Variants in HERC2 observed in about 807,000 individuals in gnomAD.
HERC2 encodes the protein HECT and RLD domain containing E3 ubiquitin protein ligase 2.
HERC2 carries 102 observed loss-of-function variants against 537.7 expected under a neutral mutation model. The ratio of observed to expected loss-of-function variants is 0.19; its 90% confidence interval spans 0.16 to 0.22. The LOEUF (loss-of-function observed/expected upper bound fraction) is 0.22. Among genes scored for constraint, HERC2 ranks in the 10% least tolerant of loss-of-function variants. The pLI is 1.00. For missense variants in HERC2, 4,236 were observed against 6,198.2 expected (o/e 0.68, Z 10.63); for synonymous variants, 2,224 against 2,466.2 (o/e 0.90, Z 2.91).
intron 56 of HERC2, among the ~76,000 whole-genome samples, chr15:28,186,078 C>G (rs1170999945): frequency 1.3e-5 from 2 of 152,074 alleles, no homozygotes; most frequent in South Asian, 4.2e-4. Context: ...GAAATTCTAG[C>G]GATGGACAAT....
Position 28,220,461 on chromosome 15 carries a change from CCT to C in HERC2, c.5834_5835del (p.Glu1945GlyfsTer2). On this transcript the variant is annotated frameshift_variant, in exon 37 of 93. Coordinates refer to ENST00000261609, the MANE Select transcript of HERC2 (RefSeq NM_004667.6). LOFTEE classifies it high-confidence loss of function. ...TTCCTGAGTCACCCACCAGAGTCAT[CCT>C]CTGTGTCCGAATCCTCTGCTGAGGG... The part of the protein sequence containing the change: ...AQPSAEDSDT[E>X]DDSEAEQTER... The C allele has an allele frequency of 1.2e-6, 2 of 1,606,726 alleles. No individual in the cohort carries two copies. The highest frequency in any genetic ancestry group is 1.7e-6 in the Non-Finnish European group (2 of 1,179,778).
chr15:28,161,629 C>A (rs1893606748), intron 69 of HERC2, among the ~76,000 whole-genome samples: 1 of 152,188 alleles, frequency 6.6e-6, no homozygotes, highest in Non-Finnish European at 1.5e-5. Flanking sequence ...TGTTTTAAAA[C>A]CTTCAGTTCC....
Position 28,260,687 on chromosome 15 carries a change from C to A in HERC2, c.2316+90G>T, listed in dbSNP as rs567814653. 4.5e-5 allele frequency: 48 copies of A among 1,070,102 alleles called. No individual in the cohort carries two copies. In the African/African-American group the frequency reaches 6.7e-4, roughly 15 times the overall value. 66.3% of individuals were successfully genotyped at this position (1,070,102 alleles called of 1,614,324 possible). A position where few individuals can be genotyped will look rare whatever the true frequency, so the allele number is the denominator to read the frequency against. On this transcript the variant is annotated intron_variant, in intron 16 of 92. Transcript: ENST00000261609. ...AACTGCAGGACACAAGAACAACAAA[C>A]AAAACTCAGTGGTATTTTCTACATA...
At chr15:28,313,134 T>C (rs2076990500) in intron 2 of HERC2, among the ~76,000 whole-genome samples, 1 of 148,318 alleles carries the variant, frequency 6.7e-6, no homozygotes, top group Non-Finnish European at 1.5e-5. Context: ...CACGCTCCCA[T>C]ACATAGGCCA....
intron 7 of HERC2, 39 bp downstream of exon 7, chr15:28,274,252 G>T: frequency 6.2e-7 from 1 of 1,608,078 alleles, no homozygotes; most frequent in Non-Finnish European, 8.5e-7. Flanking sequence ...AAGCAGGCCA[G>T]CTGTCTGCGT....
At chr15:28,286,300 G>T (rs1167122917) in intron 4 of HERC2, among the ~76,000 whole-genome samples, 1 of 151,910 alleles carries the variant, frequency 6.6e-6, no homozygotes. Flanking sequence ...GCTAATATTA[G>T]GTACTGTACC....
chr15:28,265,847 C>T lies in HERC2; in HGVS notation c.1726G>A (p.Gly576Ser). The change falls in exon 13 of 93, where the codon GGC becomes AGC. Residue 576 changes from glycine to serine, a missense_variant. Physicochemically the swap from Gly to Ser is moderately conservative, Grantham distance 56. Coordinates refer to ENST00000261609, the MANE Select transcript of HERC2 (RefSeq NM_004667.6). The surrounding 1 kb of genome is among the most constrained non-coding windows in gnomAD (Gnocchi z 4.0). ...ITAEGELYTW[G>S]RGNYGRLGHG... Reference sequence around the variant, plus strand: ...CCCAGCCGGCCGTAGTTCCCGCGGCCCCAGGTGTACAGCTCCCCCTCGGCA... The same window carrying T: ...CCCAGCCGGCCGTAGTTCCCGCGGCTCCAGGTGTACAGCTCCCCCTCGGCA... The T allele has an allele frequency of 2.5e-6, 4 of 1,614,184 alleles. No homozygotes were observed. The highest frequency in any genetic ancestry group is 3.4e-6 in the Non-Finnish European group (4 of 1,180,048).
At chr15:28,136,399 C>A (rs1465574975) in intron 78 of HERC2, among the ~76,000 whole-genome samples, 1 of 152,172 alleles carries the variant, frequency 6.6e-6, no homozygotes, top group African/African-American at 2.4e-5. Context: ...ATGAGCCCCA[C>A]CCCCAAAGCC....
chr15:28,307,985 A>G (rs1287685312), intron 2 of HERC2, among the ~76,000 whole-genome samples: 1 of 151,838 alleles, frequency 6.6e-6, no homozygotes, highest in Non-Finnish European at 1.5e-5. Flanking sequence ...AGGTAATCTG[A>G]TTCCTCCAGT....
intron 55 of HERC2, among the ~76,000 whole-genome samples, chr15:28,187,757 G>C (rs192978492): frequency 1.3e-5 from 2 of 152,194 alleles, no homozygotes; most frequent in Admixed American, 1.3e-4. Context: ...TCATTTTATT[G>C]TTGCCTCATT....
At chr15:28,315,780 T>A in intron 2 of HERC2, 1 of 1,441,982 alleles carries the variant, frequency 6.9e-7, no homozygotes, top group Non-Finnish European at 9.4e-7. Flanking sequence ...AACCGCTAGC[T>A]TGTTGCACTG....
intron 2 of HERC2, among the ~76,000 whole-genome samples, chr15:28,306,335 T>A (rs1337941147): frequency 6.6e-6 from 1 of 152,216 alleles, no homozygotes; most frequent in African/African-American, 2.4e-5. Flanking sequence ...ATCATATGGT[T>A]TTTTATCCTT....
intron 15 of HERC2, 84 bp from the exon 16 acceptor site, chr15:28,261,054 G>T: frequency 2.0e-6 from 2 of 999,240 alleles, no homozygotes; most frequent in Non-Finnish European, 1.5e-6. Flanking sequence ...ATTCAGGTCA[G>T]ACAGCTTTTA....
chr15:28,128,371 A>G (rs1031456035), intron 83 of HERC2, among the ~76,000 whole-genome samples: 2 of 152,186 alleles, frequency 1.3e-5, no homozygotes, highest in Admixed American at 1.3e-4. Flanking sequence ...CAGGACAGCA[A>G]CTCACTCTCA....
intron 55 of HERC2, chr15:28,190,633 A>C: frequency 3.4e-6 from 1 of 297,006 alleles, no homozygotes; most frequent in Non-Finnish European, 6.2e-6. Flanking sequence ...AAACCACCAG[A>C]AACTGAGATA....
intron 7 of HERC2, among the ~76,000 whole-genome samples, chr15:28,273,824 CAT>C (rs2075801796): frequency 6.6e-6 from 1 of 152,170 alleles, no homozygotes; most frequent in African/African-American, 2.4e-5. Flanking sequence ...GACCAGAGTT[CAT>C]GTTTTTCTTA....
chr15:28,179,126 A>G lies in HERC2; in HGVS notation c.9019+16T>C, dbSNP rs748991795. The G allele has an allele frequency of 1.9e-6, 3 of 1,605,396 alleles. No individual in the cohort carries two copies. The highest frequency in any genetic ancestry group is 8.5e-7 in the Non-Finnish European group (1 of 1,177,072). The stretch of plus-strand genomic sequence containing the variant: ...AAGCATAATTTAAAAATTTTTTAAG[A>G]TTAGAATAATCATACCTGCAAACAA... On this transcript the variant is annotated intron_variant, in intron 58 of 92. Coordinates refer to ENST00000261609, the MANE Select transcript of HERC2 (RefSeq NM_004667.6).
At chr15:28,290,429 C>T (rs2076281258) in intron 4 of HERC2, among the ~76,000 whole-genome samples, 1 of 152,136 alleles carries the variant, frequency 6.6e-6, no homozygotes, top group African/African-American at 2.4e-5. Context: ...AGGGTTTCAC[C>T]ATGTTGGCCA....
chr15:28,228,895 T>C (rs1482046347), intron 34 of HERC2, among the ~76,000 whole-genome samples: 1 of 152,234 alleles, frequency 6.6e-6, no homozygotes, highest in African/African-American at 2.4e-5. Context: ...CAACTCTCTG[T>C]AGATGCTCAA....
Sources: allele counts gnomAD v4.1 joint callset (sites outside exome capture counted in the v4.1 genomes callset), GRCh38; gene constraint gnomAD v4.1.1; non-coding constraint Gnocchi (gnomAD v3.1); transcripts MANE v1.5; gene names NCBI Gene and HGNC (gene_info 2026-07-23, HGNC 2026-07-21).